The following FXYD3 variants were observed in gnomAD, a reference collection of about 807,000 sequenced individuals.
FXYD3 encodes the protein FXYD domain containing ion transport regulator 3.
A neutral mutation model predicts 19.2 loss-of-function variants in FXYD3; 13 were observed. The observed-to-expected ratio is 0.68, with a 90% CI of 0.44 to 1.08. The LOEUF (loss-of-function observed/expected upper bound fraction) is 1.08, where lower values mean the gene tolerates loss of function less well. Among genes scored for constraint, FXYD3 ranks in the 50% least tolerant of loss-of-function variants. FXYD3 has a pLI of 0.00. For missense variants in FXYD3, 101 were observed against 109.4 expected (o/e 0.92, Z 0.34); for synonymous variants, 48 against 38.9 (o/e 1.23, Z -0.87).
chr19:35,121,574 T>C, intron 5 of FXYD3: 7 of 1,383,262 alleles, frequency 5.1e-6, no homozygotes, highest in Non-Finnish European at 6.5e-6. Context: ...ATCAAAACCC[T>C]CATCTGGCCT....
At chr19:35,117,827 T>G (rs1209309375) in intron 2 of FXYD3, among the ~76,000 whole-genome samples, 3 of 71,614 alleles carry the variant, frequency 4.2e-5, no homozygotes, top group South Asian at 1.3e-3. Context: ...ACTGGGAAGC[T>G]GAGAGGATTC....
At position 35,119,372 on chromosome 19, in the gene FXYD3, C is replaced by T. The variant is rs776657302; in HGVS notation, c.-5C>T. ...CCCGCCACCCCTCTAGGCCAGCGCT[C>T]TGACATGCAGAAGGTGACCCTGGGC... On this transcript the variant is annotated 5_prime_UTR_variant, in exon 3 of 9. Coordinates refer to ENST00000604404, the MANE Select transcript of FXYD3 (RefSeq NM_005971.4). The T allele has an allele frequency of 7.2e-5, 116 of 1,614,198 alleles. No homozygotes were observed. Among genetic ancestry groups the T allele is most frequent in the South Asian group, 1.8e-4 (16 of 91,088 alleles).
intron 3 of FXYD3, 83 bp downstream of exon 3, chr19:35,119,499 C>T: frequency 7.8e-7 from 1 of 1,285,686 alleles, no homozygotes; most frequent in Non-Finnish European, 1.1e-6. Context: ...CTGTGCTTTT[C>T]TACCTCCCCG....
rs373306109 is a variant in FXYD3, at chr19:35,123,492, G to A, written c.*35G>A. 8.7e-6 allele frequency: 14 copies of A among 1,612,110 alleles called. No individual in the cohort carries two copies. In the East Asian group the frequency reaches 8.9e-5, roughly 10 times the overall value. The stretch of plus-strand genomic sequence containing the variant: ...ACCAGCTGAAATTGGGTGGAGGACC[G>A]TTCTCTGTCCCCAGGTCCTGTCTCT... On this transcript the variant is annotated 3_prime_UTR_variant, in exon 9 of 9. Coordinates refer to ENST00000604404, the MANE Select transcript of FXYD3 (RefSeq NM_005971.4).
At chr19:35,117,161 TCTTCAGACAACAGC>T in intron 2 of FXYD3, 1 of 1,366,830 alleles carries the variant, frequency 7.3e-7, no homozygotes, top group East Asian at 3.1e-5. Flanking sequence ...GCCCACAGCC[TCTTCAGACAACAGC>T]CTGAATGGGG....
rs1370701650 is a variant in FXYD3 at position 35,123,553 on chromosome 19, TC to T, written c.*98del. On this transcript the variant is annotated 3_prime_UTR_variant, in exon 9 of 9. Coordinates refer to ENST00000604404, the MANE Select transcript of FXYD3 (RefSeq NM_005971.4). ...TTGAACTCCAGGATGGAATTCTTCC[TC>T]CTCTGCTGGGACTCCTTTGCATGGC... 11 of 1,333,714 alleles carry T rather than the reference TC, an allele frequency of 8.2e-6. 1 individual carries two copies. The African/African-American group carries it at 1.6e-4, about 19-fold the overall frequency. 82.6% of individuals were successfully genotyped at this position (1,333,714 alleles called of 1,614,324 possible).
chr19:35,122,883 C>T (rs1317029498), intron 6 of FXYD3, 35 bp from the exon 7 acceptor site: 1 of 1,613,654 alleles, frequency 6.2e-7, no homozygotes, highest in African/African-American at 1.3e-5. Context: ...GGGGCTGGGG[C>T]TCCCCTCCCC....
rs979723312 is a variant in FXYD3, at chr19:35,123,166, G to A, written c.210-105G>A. ...CCTGGGATTGCACAACCCCCCAAAT[G>A]GAAAGGCAGCCAGGAAGACATGTCT... On this transcript the variant is annotated intron_variant, in intron 7 of 8. Transcript: ENST00000604404. 3.3e-6 allele frequency: 5 copies of A among 1,505,536 alleles called. No individual in the cohort carries two copies. The African/African-American group carries it at 5.6e-5, about 17-fold the overall frequency. 93.3% of individuals were successfully genotyped at this position (1,505,536 alleles called of 1,614,324 possible).
chr19:35,119,573 C>T (rs1440712584), intron 3 of FXYD3, 157 bp downstream of exon 3: 4 of 648,614 alleles, frequency 6.2e-6, no homozygotes, highest in East Asian at 2.8e-5. Flanking sequence ...TAGTGATAGC[C>T]GGGGATACAC....
At position 35,122,918 on chromosome 19, in the gene FXYD3, G is replaced by A. The variant is rs767658516; in HGVS notation, c.173G>A (p.Ser58Asn). 39 of 1,609,446 alleles carry A rather than the reference G, an allele frequency of 2.4e-5. No individual in the cohort carries two copies. The highest frequency in any genetic ancestry group is 1.7e-4 in the Middle Eastern group (1 of 6,058). Reference protein sequence around the residue: ...LCAMGIIIVMSAKCKCKFGQK... With the variant: ...LCAMGIIIVMNAKCKCKFGQK... ...CTGACCACTCAGCTCTCCCCAACAG[G>A]TGCAAAATGCAAATGCAAGTTTGGC... is the stretch of plus-strand genomic sequence containing the variant. Residue 58 changes from serine (S) to asparagine (N), a missense_variant and splice_region_variant, in exon 7 of 9, where the codon AGT becomes AAT. Ser to Asn is a conservative substitution (Grantham distance 46). Transcript: ENST00000604404.
At chr19:35,118,667 G>A in intron 2 of FXYD3, 1 of 753,470 alleles carries the variant, frequency 1.3e-6, no homozygotes, top group Non-Finnish European at 1.6e-6. Flanking sequence ...GAAGGGCATG[G>A]GTGTGGGATG....
chr19:35,121,321 G>C, intron 5 of FXYD3, 76 bp downstream of exon 5: 1 of 1,614,112 alleles, frequency 6.2e-7, no homozygotes, highest in Non-Finnish European at 8.5e-7. Context: ...ATACAGGGTT[G>C]GGGCCTGACG....
chr19:35,123,197 G>A, intron 7 of FXYD3, 74 bp from the exon 8 acceptor site: 1 of 1,526,510 alleles, frequency 6.6e-7, no homozygotes, highest in Non-Finnish European at 8.8e-7. Context: ...TGTCTGGGCA[G>A]GCTAAGAACC....
chr19:35,119,064 GTGA>G, intron 2 of FXYD3: 27 of 746,444 alleles, frequency 3.6e-5, no homozygotes, highest in Non-Finnish European at 4.8e-5. Context: ...CATCTGTCCA[GTGA>G]GGACAACAGC....
chr19:35,117,266 C>G, intron 2 of FXYD3: 2 of 1,496,964 alleles, frequency 1.3e-6, no homozygotes, highest in Non-Finnish European at 1.8e-6. Context: ...GAGGCTGGGG[C>G]GAGGAGGATA....
intron 3 of FXYD3, among the ~76,000 whole-genome samples, chr19:35,120,166 G>A (rs1194045487): frequency 6.8e-6 from 1 of 148,020 alleles, no homozygotes; most frequent in Non-Finnish European, 1.5e-5. Flanking sequence ...CGGAGACAGA[G>A]TCTCGCTCTG....
At chr19:35,116,175 T>C (rs1045701234) in intron 1 of FXYD3, 89 bp from the exon 2 acceptor site, 6 of 980,608 alleles carry the variant, frequency 6.1e-6, no homozygotes, top group Non-Finnish European at 4.8e-6. Flanking sequence ...CTGCCGCCCA[T>C]GGCTGGGGAG....
chr19:35,123,522 A>G lies in FXYD3; in HGVS notation c.*65A>G, dbSNP rs746106514. 1.9e-6 allele frequency: 3 copies of G among 1,562,890 alleles called. No individual in the cohort carries two copies. Among genetic ancestry groups the G allele is most frequent in the East Asian group, 2.2e-5 (1 of 44,666 alleles). ...CTGTCCCCAGGTCCTGTCTCTGCAC[A>G]GAAACTTGAACTCCAGGATGGAATT... On this transcript the variant is annotated 3_prime_UTR_variant, in exon 9 of 9. Transcript: ENST00000604404.
intron 2 of FXYD3, chr19:35,116,675 GA>G (rs2064892294): frequency 1.0e-5 from 10 of 985,222 alleles, no homozygotes; most frequent in Non-Finnish European, 1.2e-5. Context: ...GGGTGGAGGA[GA>G]GGGGGTGCCT....
Sources: gnomAD v4.1 joint callset for allele counts (sites outside exome capture counted in the v4.1 genomes callset) on GRCh38, gnomAD v4.1.1 for gene constraint, MANE v1.5 for transcripts, NCBI Gene and HGNC (gene_info 2026-07-23, HGNC 2026-07-21) for gene names.